The following TAFA2 variants were observed in gnomAD, a reference collection of about 807,000 sequenced individuals.
The protein encoded by TAFA2 is TAFA chemokine like family member 2.
In TAFA2, 7 loss-of-function variants were observed where a neutral mutation model predicts 18.8. That is an observed-to-expected ratio of 0.37 (90% CI 0.21 to 0.70). The LOEUF (loss-of-function observed/expected upper bound fraction) is 0.70. Among genes scored for constraint, TAFA2 ranks in the 30% least tolerant of loss-of-function variants. The pLI, the probability that TAFA2 is intolerant of heterozygous loss-of-function variation, is 0.53. For missense variants in TAFA2, 122 were observed against 158.1 expected (o/e 0.77, Z 1.23); for synonymous variants, 60 against 54.2 (o/e 1.11, Z -0.47).
intron 1 of TAFA2, among the ~76,000 whole-genome samples, chr12:62,213,801 T>C (rs1246001420): frequency 6.6e-6 from 1 of 152,212 alleles, no homozygotes; most frequent in Non-Finnish European, 1.5e-5. Flanking sequence ...TCTTCTTTAC[T>C]CCAAGAGTAG....
chr12:61,850,308 T>G (rs1873589801), intron 2 of TAFA2, among the ~76,000 whole-genome samples: 1 of 152,008 alleles, frequency 6.6e-6, no homozygotes, highest in Admixed American at 6.5e-5. Flanking sequence ...TCAATAATTT[T>G]TTTTACTTCC....
intron 4 of TAFA2, among the ~76,000 whole-genome samples, chr12:61,732,270 A>C (rs759001600): frequency 4.6e-5 from 7 of 152,146 alleles, no homozygotes; most frequent in Non-Finnish European, 8.8e-5. Flanking sequence ...GTGTGGTGTC[A>C]GTGAAATAAG....
At chr12:62,071,518 G>T (rs915519932) in intron 1 of TAFA2, among the ~76,000 whole-genome samples, 3 of 152,102 alleles carry the variant, frequency 2.0e-5, no homozygotes, top group African/African-American at 7.2e-5. Flanking sequence ...GAGACAGGAG[G>T]ATTATTTGAG....
chr12:61,742,476 T>C (rs1868501262), intron 4 of TAFA2, among the ~76,000 whole-genome samples: 2 of 152,070 alleles, frequency 1.3e-5, no homozygotes, highest in African/African-American at 2.4e-5. Context: ...ATTTCTGCAT[T>C]CCCCCAGACT....
intron 4 of TAFA2, among the ~76,000 whole-genome samples, chr12:61,722,914 A>G (rs1329140529): frequency 1.3e-5 from 2 of 152,066 alleles, no homozygotes; most frequent in Admixed American, 1.3e-4. Flanking sequence ...CTATAATACT[A>G]TCCTATTACA....
chr12:62,157,130 C>T (rs1378421804), intron 1 of TAFA2, among the ~76,000 whole-genome samples: 1 of 151,904 alleles, frequency 6.6e-6, no homozygotes, highest in Non-Finnish European at 1.5e-5. Context: ...AAATGAAGGA[C>T]AATAATAAAA....
chr12:61,842,885 C>T (rs1004880773), intron 2 of TAFA2, among the ~76,000 whole-genome samples: 1 of 152,024 alleles, frequency 6.6e-6, no homozygotes, highest in Non-Finnish European at 1.5e-5. Flanking sequence ...GAAATCTTTA[C>T]TTAATATTGA....
intron 4 of TAFA2, 43 bp downstream of exon 4, chr12:61,753,579 A>T (rs1199313422): frequency 6.9e-6 from 11 of 1,583,710 alleles, no homozygotes; most frequent in Non-Finnish European, 8.6e-6. Context: ...GTTCTCTATT[A>T]ATTCAGAGAC....
At chr12:61,745,891 G>A (rs1425554062) in intron 4 of TAFA2, among the ~76,000 whole-genome samples, 2 of 152,066 alleles carry the variant, frequency 1.3e-5, no homozygotes, top group Non-Finnish European at 2.9e-5. Context: ...AGGAAGAAAG[G>A]GAACAGATGG....
chr12:61,927,069 GAAAAAAAAAAAAAA>G (rs56908081), intron 1 of TAFA2, among the ~76,000 whole-genome samples: 1 of 69,904 alleles, frequency 1.4e-5, no homozygotes, highest in African/African-American at 5.8e-5. Context: ...GTGAGACTCT[GAAAAAAAAAAAAAA>G]AAAAAAAAAA....
chr12:61,799,343 C>T (rs1408234141), intron 2 of TAFA2, among the ~76,000 whole-genome samples: 2 of 152,074 alleles, frequency 1.3e-5, no homozygotes, highest in African/African-American at 2.4e-5. Flanking sequence ...AGACTTTGTT[C>T]TTAAGCATCT....
At chr12:62,239,784 A>C (rs2062853853) in intron 1 of TAFA2, among the ~76,000 whole-genome samples, 1 of 152,132 alleles carries the variant, frequency 6.6e-6, no homozygotes, top group African/African-American at 2.4e-5. Flanking sequence ...CCAATCTCCC[A>C]CCATTGAGTT....
At chr12:62,246,012 A>C (rs1401552722) in intron 1 of TAFA2, among the ~76,000 whole-genome samples, 1 of 142,080 alleles carries the variant, frequency 7.0e-6, no homozygotes, top group Non-Finnish European at 1.5e-5. Flanking sequence ...TTTGAGACGG[A>C]GTCTCACTCT....
chr12:61,845,083 CAACAAAGGT>C (rs546577756), intron 2 of TAFA2, among the ~76,000 whole-genome samples: 28 of 152,088 alleles, frequency 1.8e-4, no homozygotes, highest in Admixed American at 1.3e-3. Flanking sequence ...AGAGAACAAA[CAACAAAGGT>C]ATTTCATAAA....
At chr12:61,907,539 G>A (rs1876412780) in intron 1 of TAFA2, among the ~76,000 whole-genome samples, 1 of 152,180 alleles carries the variant, frequency 6.6e-6, no homozygotes, top group Admixed American at 6.5e-5. Flanking sequence ...TTGCTGCAGG[G>A]GTGGGGCCCT....
At chr12:62,033,584 G>A (rs536208460) in intron 1 of TAFA2, among the ~76,000 whole-genome samples, 3 of 152,024 alleles carry the variant, frequency 2.0e-5, no homozygotes, top group African/African-American at 7.3e-5. Flanking sequence ...GCTAGTCCAA[G>A]ATCAAATGAC....
At chr12:62,243,510 T>C (rs2062872076) in intron 1 of TAFA2, among the ~76,000 whole-genome samples, 2 of 152,216 alleles carry the variant, frequency 1.3e-5, no homozygotes, top group Non-Finnish European at 2.9e-5. Flanking sequence ...CTACCACTTA[T>C]GGACTGATTT....
At chr12:62,110,270 T>A (rs538342549) in intron 1 of TAFA2, among the ~76,000 whole-genome samples, 2 of 152,208 alleles carry the variant, frequency 1.3e-5, no homozygotes, top group Non-Finnish European at 2.9e-5. Context: ...GTTTATATAA[T>A]GGATTCTCTT....
intron 1 of TAFA2, among the ~76,000 whole-genome samples, chr12:61,888,473 A>G (rs190413309): frequency 6.6e-6 from 1 of 152,284 alleles, no homozygotes; most frequent in East Asian, 1.9e-4. Context: ...AAAAACACAA[A>G]ACACTGAGAC....
Sources: gnomAD v4.1 joint callset for allele counts (sites outside exome capture counted in the v4.1 genomes callset) on GRCh38, gnomAD v4.1.1 for gene constraint, MANE v1.5 for transcripts, NCBI Gene and HGNC (gene_info 2026-07-23, HGNC 2026-07-21) for gene names.